Variants in AHR observed in about 807,000 individuals in gnomAD.
AHR encodes the protein aryl hydrocarbon receptor.
In AHR, 40 loss-of-function variants were observed where a neutral mutation model predicts 86.8. That is an observed-to-expected ratio of 0.46 (90% CI 0.36 to 0.60). AHR has a LOEUF of 0.60. AHR is among the 20% of genes least tolerant of loss of function. AHR has a pLI of 0.00. For missense variants in AHR, 1,001 were observed against 1,011.6 expected (o/e 0.99, Z 0.14); for synonymous variants, 398 against 354.9 (o/e 1.12, Z -1.37).
chr7:17,316,888 C>T (rs1276085150), intron 2 of AHR, among the ~76,000 whole-genome samples: 4 of 152,008 alleles, frequency 2.6e-5, no homozygotes, highest in Non-Finnish European at 2.9e-5. Flanking sequence ...GTTCAGTTAA[C>T]GAATCTTGTG....
Position 17,327,857 on chromosome 7 carries a change from A to G in AHR, c.450+9A>G. ...ATCTAGGGTTTCAGCAGGTAAGTAT[A>G]TATTATTTATATCATTTATATTATT... On this transcript the variant is annotated intron_variant, in intron 4 of 10. Transcript: ENST00000242057. The G allele has an allele frequency of 8.2e-7, 1 of 1,215,142 alleles. No individual in the cohort carries two copies. Among genetic ancestry groups the G allele is most frequent in the Non-Finnish European group, 1.1e-6 (1 of 900,450 alleles). The allele number at this position is 1,215,142 out of a possible 1,614,324, so 75.3% of individuals were successfully genotyped here. A position where few individuals can be genotyped will look rare whatever the true frequency, so the allele number is the denominator to read the frequency against.
intron 2 of AHR, among the ~76,000 whole-genome samples, chr7:17,316,448 G>A (rs375296221): frequency 1.3e-4 from 20 of 152,174 alleles, no homozygotes; most frequent in African/African-American, 4.1e-4. Flanking sequence ...GTGAGACCTC[G>A]TCTCCATACA....
intron 2 of AHR, among the ~76,000 whole-genome samples, chr7:17,315,004 T>C (rs1174535290): frequency 6.6e-6 from 1 of 152,088 alleles, no homozygotes; most frequent in Non-Finnish European, 1.5e-5. Flanking sequence ...GTGATTTAAC[T>C]GTTATCTTTT....
intron 10 of AHR, 132 bp downstream of exon 10, chr7:17,340,360 T>C (rs1782407600): frequency 1.6e-6 from 2 of 1,246,318 alleles, no homozygotes; most frequent in Non-Finnish European, 2.1e-6. Context: ...TTTTTTATTA[T>C]ATCTGTGACT....
chr7:17,312,398 AAGT>A (rs1782074796), intron 2 of AHR, among the ~76,000 whole-genome samples: 1 of 152,238 alleles, frequency 6.6e-6, no homozygotes, highest in Non-Finnish European at 1.5e-5. Context: ...CTCTGTTTAG[AAGT>A]AGTACATATG....
chr7:17,336,921 TCTTC>T (rs1008470083), intron 9 of AHR, among the ~76,000 whole-genome samples: 22 of 152,284 alleles, frequency 1.4e-4, no homozygotes, highest in East Asian at 1.9e-4. Context: ...ATTATTATTT[TCTTC>T]CTTCTACTTT....
rs1437669542 is a variant in AHR at position 17,339,752 on chromosome 7, A to G, written c.1927A>G (p.Lys643Glu). Residue 643 changes from lysine (K) to glutamate (E), a missense_variant, in exon 10 of 11, where the codon AAG becomes GAG. By Grantham distance (56) the Lys-to-Glu change is moderately conservative (BLOSUM62 1). This residue lies in a region of AHR where 607 missense variants were observed against 543.1 expected (regional missense o/e 1.12). Coordinates refer to ENST00000242057, the MANE Select transcript of AHR (RefSeq NM_001621.5). The part of the protein sequence containing the change: ...EPQQQLCQKM[K>E]HMQVNGMFEN... Reference sequence around the variant, plus strand: ...ACAGCAACAGCTGTGTCAGAAGATGAAGCACATGCAAGTTAATGGCATGTT... The same window carrying G: ...ACAGCAACAGCTGTGTCAGAAGATGGAGCACATGCAAGTTAATGGCATGTT... 1 of 1,614,198 alleles carries G rather than the reference A, an allele frequency of 6.2e-7. No homozygotes were observed. The highest frequency in any genetic ancestry group is 1.7e-5 in the Admixed American group (1 of 60,028).
rs984569486 is a variant in AHR, at chr7:17,298,710, C to T, written c.-555C>T. ...GAGAGCGTGCCCCGGACCGCCAGCT[C>T]AGAACAGGGGCAGCCGTGTAGCCGA... On this transcript the variant is annotated 5_prime_UTR_variant, in exon 1 of 11. Coordinates refer to ENST00000242057, the MANE Select transcript of AHR (RefSeq NM_001621.5). 2.5e-6 allele frequency: 1 copy of T among 396,810 alleles called. No individual in the cohort carries two copies. Among genetic ancestry groups the T allele is most frequent in the Non-Finnish European group, 4.4e-6 (1 of 225,208 alleles). 24.6% of individuals were successfully genotyped at this position (396,810 alleles called of 1,614,324 possible). A position where few individuals can be genotyped will look rare whatever the true frequency, so the allele number is the denominator to read the frequency against.
rs1782477917 is a variant in AHR, at chr7:17,345,873, A to G, written c.*2809A>G. 1 of 106,522 alleles carries G rather than the reference A, an allele frequency of 9.4e-6. No homozygotes were observed. The highest frequency in any genetic ancestry group is 2.2e-4 in the East Asian group (1 of 4,526). 6.6% of individuals were successfully genotyped at this position (106,522 alleles called of 1,614,324 possible). A position where few individuals can be genotyped will look rare whatever the true frequency, so the allele number is the denominator to read the frequency against. ...ATGATGTGCACATCTAAGGATATGG[A>G]TGTGTCTAATTTAGTCTTTTCCTGT... On this transcript the variant is annotated 3_prime_UTR_variant, in exon 11 of 11. Coordinates refer to ENST00000242057, the MANE Select transcript of AHR (RefSeq NM_001621.5).
intron 2 of AHR, among the ~76,000 whole-genome samples, chr7:17,312,996 A>G (rs1177806894): frequency 6.6e-6 from 1 of 152,218 alleles, no homozygotes; most frequent in African/African-American, 2.4e-5. Flanking sequence ...CAGAATGACA[A>G]ATGCAAACAT....
intron 6 of AHR, 21 bp downstream of exon 6, chr7:17,330,907 A>G: frequency 6.2e-7 from 1 of 1,607,920 alleles, no homozygotes; most frequent in East Asian, 2.2e-5. Context: ...AAATTTTATG[A>G]TACTGGCTTT....
intron 3 of AHR, among the ~76,000 whole-genome samples, chr7:17,325,875 A>G (rs560556442): frequency 1.3e-5 from 2 of 152,310 alleles, no homozygotes; most frequent in East Asian, 3.9e-4. Flanking sequence ...TGATGAAATA[A>G]TCTGTACAAC....
chr7:17,317,682 C>G (rs1459978898), intron 2 of AHR, among the ~76,000 whole-genome samples: 1 of 152,064 alleles, frequency 6.6e-6, no homozygotes, highest in African/African-American at 2.4e-5. Context: ...AAAGCCCTAT[C>G]CTAGACCTAC....
rs565904981 is a variant in AHR at position 17,317,570 on chromosome 7, C to T, written c.254-4931C>T. ...ATGAGGGAATTCAATCCAGAACATA[C>T]GTGAGTTATTTCCTAAATCCTGAGG... is the stretch of plus-strand genomic sequence containing the variant. On this transcript the variant is annotated intron_variant, in intron 2 of 10. Transcript: ENST00000242057. Among the ~76,000 whole-genome samples the T allele has an allele frequency of 1.8e-4, 28 of 152,218 alleles. No individual in the cohort carries two copies. In the Middle Eastern group the frequency reaches 0.01, roughly 55 times the overall value.
chr7:17,336,007 C>T (rs539506276), intron 9 of AHR: 11 of 409,312 alleles, frequency 2.7e-5, no homozygotes, highest in Non-Finnish European at 4.2e-5. Flanking sequence ...TAATAAAACT[C>T]TAGGGTTTTA....
rs1178278781 is a variant in AHR, at chr7:17,336,451, A to G, written c.1160+665A>G. Among the ~76,000 whole-genome samples the G allele has an allele frequency of 5.9e-5, 9 of 151,996 alleles. No homozygotes were observed. The South Asian group carries it at 1.4e-3, about 24-fold the overall frequency. On this transcript the variant is annotated intron_variant, in intron 9 of 10. Coordinates refer to ENST00000242057, the MANE Select transcript of AHR (RefSeq NM_001621.5). ...CTGTCTTAGTTATTCTATCTTTATTATATATTTCTATGTCAGAGTGTGTCA... is the reference window on the plus strand; with the variant it reads ...CTGTCTTAGTTATTCTATCTTTATTGTATATTTCTATGTCAGAGTGTGTCA...
intron 6 of AHR, among the ~76,000 whole-genome samples, chr7:17,333,180 C>T (rs1415502474): frequency 6.6e-6 from 1 of 151,900 alleles, no homozygotes; most frequent in Non-Finnish European, 1.5e-5. Context: ...CCTAAGGACA[C>T]ATTTCACAGA....
At chr7:17,331,221 A>G (rs529293220) in intron 6 of AHR, among the ~76,000 whole-genome samples, 2 of 152,054 alleles carry the variant, frequency 1.3e-5, no homozygotes, top group African/African-American at 4.8e-5. Flanking sequence ...GTTAGCTTAT[A>G]TAGTAAATGA....
At position 17,340,135 on chromosome 7, in the gene AHR, G is replaced by T. The variant is rs373123275; in HGVS notation, c.2310G>T (p.Ser770=). 2 of 1,614,176 alleles carry T rather than the reference G, an allele frequency of 1.2e-6. No individual in the cohort carries two copies. The highest frequency in any genetic ancestry group is 2.2e-5 in the South Asian group (2 of 91,082). The part of the protein sequence containing the change: ...TPQTCYAGAV[S]MYQCQPEPQH... Reference sequence around the variant, plus strand: ...AGACATGTTATGCTGGGGCCGTGTCGATGTATCAGTGCCAGCCAGAACCTC... The same window carrying T: ...AGACATGTTATGCTGGGGCCGTGTCTATGTATCAGTGCCAGCCAGAACCTC... Residue 770 remains serine, a synonymous_variant, in exon 10 of 11, where the codon TCG becomes TCT. Coordinates refer to ENST00000242057, the MANE Select transcript of AHR (RefSeq NM_001621.5).
Sources: allele counts gnomAD v4.1 joint callset (sites outside exome capture counted in the v4.1 genomes callset), GRCh38; gene constraint gnomAD v4.1.1; regional missense constraint gnomAD v4.1.1; transcripts MANE v1.5; gene names NCBI Gene and HGNC (gene_info 2026-07-23, HGNC 2026-07-21).